POLR3A: variants seen among roughly 807,000 people sequenced by gnomAD.
The protein encoded by POLR3A is RNA polymerase III subunit A.
POLR3A carries 112 observed loss-of-function variants against 152.8 expected under a neutral mutation model. The observed-to-expected ratio is 0.73, with a 90% CI of 0.63 to 0.86. POLR3A has a LOEUF of 0.86. Ranked by LOEUF, POLR3A falls within the 40% of genes least tolerant of loss-of-function variation. The pLI, the probability that POLR3A is intolerant of heterozygous loss-of-function variation, is 0.00. For synonymous variants in POLR3A, 615 were observed against 652.1 expected (o/e 0.94, Z 0.87); for missense variants, 1,385 against 1,743.1 (o/e 0.79, Z 3.66).
At chr10:77,981,267 CCAGCATACTTTGGTTTTTGAGCAATGTT>C (rs1396992629) in intron 29 of POLR3A, among the ~76,000 whole-genome samples, 133 bp downstream of exon 29, 1 of 152,216 alleles carries the variant, frequency 6.6e-6, no homozygotes, top group East Asian at 1.9e-4. Flanking sequence ...CTCAGCCTGA[CCAGCATACTTTGGTTTTTGAGCAATGTT>C]CACATCTTAT....
At chr10:77,992,296 G>A (rs1392619132) in intron 20 of POLR3A, among the ~76,000 whole-genome samples, 4 of 150,686 alleles carry the variant, frequency 2.7e-5, no homozygotes, top group African/African-American at 9.8e-5. Flanking sequence ...TTTTAAGACA[G>A]GGTCTTGGTC....
chr10:78,017,671 C>G lies in POLR3A; in HGVS notation c.1335G>C (p.Lys445Asn). 1 of 1,614,136 alleles carries G rather than the reference C, an allele frequency of 6.2e-7. No individual in the cohort carries two copies. Among genetic ancestry groups the G allele is most frequent in the South Asian group, 1.1e-5 (1 of 91,084 alleles). The change falls in exon 10 of 31, where the codon AAG (lysine) becomes AAC (asparagine). Residue 445 changes from lysine to asparagine, a missense_variant. Lys to Asn is a moderately conservative substitution (Grantham distance 94). Around this residue, in one of 7 missense-constraint regions of POLR3A, gnomAD observed 493 missense variants for 647.5 expected, o/e 0.76. Transcript: ENST00000372371. ...GGTGTCTCTCTACGATGTCACCATA[C>G]TTGAGCTCTTGAGCCATCTTTTCTC... ...GNREKMAQEL[K>N]YGDIVERHLI...
At chr10:77,991,022 G>T in intron 21 of POLR3A, 32 bp downstream of exon 21, 1 of 1,200,176 alleles carries the variant, frequency 8.3e-7, no homozygotes, top group Non-Finnish European at 1.2e-6. Flanking sequence ...CAGCCAGGCT[G>T]GGTGCAGTAG....
Position 77,975,722 on chromosome 10 carries a change from C to T in POLR3A, c.*1756G>A, listed in dbSNP as rs1477792635. On this transcript the variant is annotated 3_prime_UTR_variant, in exon 31 of 31. Transcript: ENST00000372371. ...GCAGAAGACAACAGGTGCCGGAGTT[C>T]ACTCCTATGATTCAATTCTACCCTC... 6.6e-6 allele frequency: 1 copy of T among 152,270 alleles called. No homozygotes were observed. Among genetic ancestry groups the T allele is most frequent in the Admixed American group, 6.5e-5 (1 of 15,278 alleles). 9.4% of individuals were successfully genotyped at this position (152,270 alleles called of 1,614,324 possible).
chr10:78,002,103 A>G (rs1478339905), intron 17 of POLR3A, 94 bp downstream of exon 17: 6 of 692,956 alleles, frequency 8.7e-6, no homozygotes, highest in Non-Finnish European at 1.5e-5. Context: ...AATAAATGAA[A>G]TGTCTGTTTG....
intron 1 of POLR3A, among the ~76,000 whole-genome samples, chr10:78,029,089 T>G (rs1847665016): frequency 6.6e-6 from 1 of 152,120 alleles, no homozygotes; most frequent in Non-Finnish European, 1.5e-5. Flanking sequence ...TTCAGGAGAA[T>G]GCGAGCTTTG....
chr10:77,983,276 G>A (rs12266118), intron 26 of POLR3A, among the ~76,000 whole-genome samples: 4,866 of 152,300 alleles, frequency 0.032, 288 homozygotes, highest in African/African-American at 0.11. Flanking sequence ...TCCCCAAACT[G>A]GAGAGCAGGT....
In POLR3A at chr10:77,980,504, T is replaced by C. The variant is rs10824587; in HGVS notation, c.3892-231A>G. 0.16 allele frequency among the ~76,000 whole-genome samples: 24,558 copies of C among 151,588 alleles called. 2,125 individuals are homozygous for C. Among genetic ancestry groups the C allele is most frequent in the East Asian group, 0.28 (1,422 of 5,162 alleles). On this transcript the variant is annotated intron_variant, in intron 29 of 30. Coordinates refer to ENST00000372371, the MANE Select transcript of POLR3A (RefSeq NM_007055.4). The stretch of plus-strand genomic sequence containing the variant: ...CAGACGCCATCAGAACAAAGAAGAA[T>C]TGAGAACTAGAATTCAGAGACTAAC...
At position 77,975,226 on chromosome 10, in the gene POLR3A, C is replaced by T. The variant is rs990552923; in HGVS notation, c.*2252G>A. 2 of 152,230 alleles carry T rather than the reference C, an allele frequency of 1.3e-5. No individual in the cohort carries two copies. The highest frequency in any genetic ancestry group is 4.8e-5 in the African/African-American group (2 of 41,450). 9.4% of individuals were successfully genotyped at this position (152,230 alleles called of 1,614,324 possible). Reference sequence around the variant, plus strand: ...AAATGTAACCCTTTGAGCTCTCATGCTTGAGGATGTGCTGCTACCTGGCCT... The same window carrying T: ...AAATGTAACCCTTTGAGCTCTCATGTTTGAGGATGTGCTGCTACCTGGCCT... On this transcript the variant is annotated 3_prime_UTR_variant, in exon 31 of 31. Coordinates refer to ENST00000372371, the MANE Select transcript of POLR3A (RefSeq NM_007055.4).
chr10:77,977,416 T>C lies in POLR3A; in HGVS notation c.*62A>G, dbSNP rs773836186. The C allele has an allele frequency of 8.2e-6, 13 of 1,579,552 alleles. No homozygotes were observed. The highest frequency in any genetic ancestry group is 1.1e-5 in the Non-Finnish European group (13 of 1,149,638). On this transcript the variant is annotated 3_prime_UTR_variant, in exon 31 of 31. Coordinates refer to ENST00000372371, the MANE Select transcript of POLR3A (RefSeq NM_007055.4). ...CCGTCCCAGGGAGCACAAAACTCTTTATACATCAGCTGGAGACAGGACAAG... is the reference window on the plus strand; with the variant it reads ...CCGTCCCAGGGAGCACAAAACTCTTCATACATCAGCTGGAGACAGGACAAG...
At chr10:77,998,474 T>C (rs1018547720) in intron 19 of POLR3A, among the ~76,000 whole-genome samples, 3 of 151,882 alleles carry the variant, frequency 2.0e-5, no homozygotes, top group Admixed American at 6.6e-5. Context: ...ACAAACCCCA[T>C]CAAAAAGTGG....
rs138165137 is a variant in POLR3A at position 78,013,772 on chromosome 10, G to A, written c.1450C>T (p.Arg484Trp). 15 of 1,614,004 alleles carry A rather than the reference G, an allele frequency of 9.3e-6. No homozygotes were observed. Among genetic ancestry groups the A allele is most frequent in the African/African-American group, 5.3e-5 (4 of 74,894 alleles). The stretch of plus-strand genomic sequence containing the variant: ...ACACACTCATTAAATCTGAAGGTCC[G>A]GTGGGGCTTGACCCTGGCCTGTGGA... Reference protein sequence around the residue: ...MAHLARVKPHRTFRFNECVCT... With the variant: ...MAHLARVKPHWTFRFNECVCT... The change falls in exon 11 of 31, where the codon CGG becomes TGG. Residue 484 changes from arginine (R) to tryptophan (W), a missense_variant. This residue lies in a region of POLR3A where 493 missense variants were observed against 647.5 expected (regional missense o/e 0.76). Coordinates refer to ENST00000372371, the MANE Select transcript of POLR3A (RefSeq NM_007055.4).
intron 1 of POLR3A, among the ~76,000 whole-genome samples, chr10:78,027,351 G>A (rs1039214507): frequency 6.6e-6 from 1 of 152,206 alleles, no homozygotes; most frequent in Admixed American, 6.5e-5. Flanking sequence ...AACTTTGGTA[G>A]GGAATTTATT....
At chr10:78,016,233 A>G (rs1847522571) in intron 10 of POLR3A, among the ~76,000 whole-genome samples, 1 of 152,134 alleles carries the variant, frequency 6.6e-6, no homozygotes, top group Non-Finnish European at 1.5e-5. Context: ...AAAATCTTTT[A>G]AGCATTTTAG....
In POLR3A at chr10:77,999,668, C is replaced by T. The variant is rs11002363; in HGVS notation, c.2616+313G>A. Among the ~76,000 whole-genome samples the T allele has an allele frequency of 6.6e-5, 10 of 152,260 alleles. No homozygotes were observed. The East Asian group carries it at 1.2e-3, about 18-fold the overall frequency. On this transcript the variant is annotated intron_variant, in intron 19 of 30. Transcript: ENST00000372371. ...GGCCTTGCAATAACCCTCATTGTCA[C>T]GTGTTAGTAAAGCGAGGCTTAGTGA... is the stretch of plus-strand genomic sequence containing the variant.
At chr10:77,985,069 T>G in intron 24 of POLR3A, 101 bp downstream of exon 24, 1 of 1,048,480 alleles carries the variant, frequency 9.5e-7, no homozygotes, top group Non-Finnish European at 1.5e-6. Flanking sequence ...TAAGACACAG[T>G]CCTATGAGGA....
At chr10:77,986,286 T>C (rs1209106507) in intron 21 of POLR3A, 127 bp from the exon 22 acceptor site, 2 of 726,528 alleles carry the variant, frequency 2.8e-6, no homozygotes, top group Non-Finnish European at 5.0e-6. Context: ...ATATATAGTA[T>C]AAAGGACCCA....
In POLR3A at chr10:78,009,697, A is replaced by T. The variant is rs770566470; in HGVS notation, c.1771-22T>A. 31 of 1,614,022 alleles carry T rather than the reference A, an allele frequency of 1.9e-5. No homozygotes were observed. In the Admixed American group the frequency reaches 5.2e-4, roughly 27 times the overall value. ...CAGGCTGAGGGGGGGAGGAAGCCTG[A>T]GAGTCAGTGGGCTGAGCCTGGTCTC... is the stretch of plus-strand genomic sequence containing the variant. On this transcript the variant is annotated intron_variant, in intron 13 of 30. Transcript: ENST00000372371.
rs1049823956 is a variant in POLR3A at position 77,997,456 on chromosome 10, CAA to C, written c.2616+2523_2616+2524del. On this transcript the variant is annotated intron_variant, in intron 19 of 30. Coordinates refer to ENST00000372371, the MANE Select transcript of POLR3A (RefSeq NM_007055.4). ...TCCTCAAGCTGATAAGCAACTTCAGCAAAGTCTCAGGATACAAAATCAATGTG... is the reference window on the plus strand; with the variant it reads ...TCCTCAAGCTGATAAGCAACTTCAGCAGTCTCAGGATACAAAATCAATGTG... Among the ~76,000 whole-genome samples the C allele has an allele frequency of 4.6e-5, 7 of 152,222 alleles. 1 individual carries two copies. Among genetic ancestry groups the C allele is most frequent in the Admixed American group, 4.6e-4 (7 of 15,278 alleles).
Sources: allele counts gnomAD v4.1 joint callset (sites outside exome capture counted in the v4.1 genomes callset), GRCh38; gene constraint gnomAD v4.1.1; regional missense constraint gnomAD v4.1.1; transcripts MANE v1.5; gene names NCBI Gene and HGNC (gene_info 2026-07-23, HGNC 2026-07-21).